Variants in FBXW7 observed in about 807,000 individuals in gnomAD.
The protein encoded by FBXW7 is F-box/WD repeat-containing protein 7.
Under a neutral mutation model 86.3 loss-of-function variants are expected in FBXW7, and 11 were observed. The observed-to-expected ratio is 0.13, with a 90% CI of 0.08 to 0.21. The LOEUF (loss-of-function observed/expected upper bound fraction) is 0.21, where lower values mean the gene tolerates loss of function less well. FBXW7 is among the 10% of genes least tolerant of loss of function. The pLI is 1.00. For missense variants in FBXW7, 488 were observed against 847.4 expected (o/e 0.58, Z 5.27); for synonymous variants, 313 against 297.9 (o/e 1.05, Z -0.52).
At chr4:152,516,824 C>T (rs914056974) in intron 2 of FBXW7, among the ~76,000 whole-genome samples, 21 of 152,070 alleles carry the variant, frequency 1.4e-4, no homozygotes, top group African/African-American at 5.1e-4. Flanking sequence ...TGGTTGTTTC[C>T]GCTTTTTTTG....
intron 4 of FBXW7, among the ~76,000 whole-genome samples, chr4:152,395,154 A>G (rs1386467847): frequency 2.0e-5 from 3 of 152,038 alleles, no homozygotes; most frequent in Admixed American, 2.0e-4. Flanking sequence ...GTGTTTTGCA[A>G]ACTTCAGTTT....
At chr4:152,327,617 C>T (rs1441349356) in intron 11 of FBXW7, among the ~76,000 whole-genome samples, 2 of 151,964 alleles carry the variant, frequency 1.3e-5, no homozygotes, top group African/African-American at 4.8e-5. Flanking sequence ...TTCCTTAATT[C>T]GTTAGTCAAC....
intron 2 of FBXW7, among the ~76,000 whole-genome samples, chr4:152,460,120 G>T (rs765461429): frequency 5.9e-5 from 9 of 152,046 alleles, no homozygotes; most frequent in Non-Finnish European, 1.3e-4. Context: ...AGCTAAAATG[G>T]CAAATTTTAT....
intron 2 of FBXW7, among the ~76,000 whole-genome samples, chr4:152,435,913 T>C (rs974674686): frequency 2.6e-5 from 4 of 152,190 alleles, no homozygotes; most frequent in Non-Finnish European, 5.9e-5. Context: ...ATCAGTGATC[T>C]TTCATGTTAC....
chr4:152,355,187 A>G (rs1732250640), intron 4 of FBXW7, among the ~76,000 whole-genome samples: 1 of 152,154 alleles, frequency 6.6e-6, no homozygotes, highest in Admixed American at 6.6e-5. Flanking sequence ...ATATGAACAA[A>G]GCAAATAAAA....
chr4:152,519,335 G>GA (rs1046057465), intron 2 of FBXW7, among the ~76,000 whole-genome samples: 11 of 151,762 alleles, frequency 7.2e-5, no homozygotes, highest in Non-Finnish European at 2.9e-5. Context: ...AAGAAAGAAA[G>GA]AATAATCAGA....
chr4:152,369,734 G>C (rs1733839542), intron 4 of FBXW7, among the ~76,000 whole-genome samples: 1 of 151,892 alleles, frequency 6.6e-6, no homozygotes, highest in South Asian at 2.1e-4. Flanking sequence ...CACAGAGTAA[G>C]GGCAAAACTG....
chr4:152,517,077 C>A (rs138103967), intron 2 of FBXW7, among the ~76,000 whole-genome samples: 1 of 152,330 alleles, frequency 6.6e-6, no homozygotes, highest in Non-Finnish European at 1.5e-5. Flanking sequence ...CTCGCCTCAG[C>A]CTCCCAAAGT....
At chr4:152,456,807 T>C (rs527966334) in intron 2 of FBXW7, among the ~76,000 whole-genome samples, 34 of 152,302 alleles carry the variant, frequency 2.2e-4, no homozygotes, top group African/African-American at 6.7e-4. Context: ...CCGGAAAAGT[T>C]TGGCAGTGTC....
At chr4:152,352,337 A>AACAGAATACCAG in intron 4 of FBXW7, 1 of 1,000,486 alleles carries the variant, frequency 1.0e-6, no homozygotes, top group Non-Finnish European at 1.5e-6. Context: ...CATGATATAA[A>AACAGAATACCAG]ACAGAATACC....
intron 2 of FBXW7, among the ~76,000 whole-genome samples, chr4:152,441,990 A>T (rs886279365): frequency 6.6e-6 from 1 of 152,218 alleles, no homozygotes; most frequent in Admixed American, 6.5e-5. Context: ...CATCCCTCCC[A>T]GAAAAAAGTA....
chr4:152,408,412 T>C (rs1357734860), intron 4 of FBXW7, among the ~76,000 whole-genome samples: 1 of 152,216 alleles, frequency 6.6e-6, no homozygotes, highest in Non-Finnish European at 1.5e-5. Flanking sequence ...CATTTGTATC[T>C]GGAGAAGCAA....
Position 152,411,423 on chromosome 4 carries a change from C to T in FBXW7, c.381G>A (p.Gln127=), listed in dbSNP as rs1218769489. Residue 127 remains glutamine (Q), a synonymous_variant, in exon 4 of 14, where the codon CAG becomes CAA. Transcript: ENST00000281708. ...EMDQESDDFD[Q]SDDSSREDEH... ...CATCTTCTCTGCTACTATCATCAGA[C>T]TGATCAAAATCGTCACTCTCCTGGT... 1 of 1,613,720 alleles carries T rather than the reference C, an allele frequency of 6.2e-7. No homozygotes were observed. The highest frequency in any genetic ancestry group is 8.5e-7 in the Non-Finnish European group (1 of 1,179,880).
chr4:152,477,605 A>G (rs1334489226), intron 2 of FBXW7, among the ~76,000 whole-genome samples: 1 of 152,158 alleles, frequency 6.6e-6, no homozygotes, highest in Non-Finnish European at 1.5e-5. Flanking sequence ...AATTTTTCAT[A>G]TATCATCCCA....
intron 4 of FBXW7, among the ~76,000 whole-genome samples, chr4:152,408,233 C>T (rs1449908782): frequency 6.6e-6 from 1 of 152,094 alleles, no homozygotes; most frequent in Non-Finnish European, 1.5e-5. Context: ...CAGATCTGGC[C>T]TAATAATCAT....
intron 2 of FBXW7, among the ~76,000 whole-genome samples, chr4:152,467,976 C>CT (rs942405208): frequency 1.1e-3 from 161 of 141,470 alleles, no homozygotes; most frequent in East Asian, 1.6e-3. Context: ...AAAAGATAAT[C>CT]TTTTTTTTTT....
intron 4 of FBXW7, among the ~76,000 whole-genome samples, chr4:152,364,008 A>G (rs1733226342): frequency 6.6e-6 from 1 of 152,208 alleles, no homozygotes; most frequent in Admixed American, 6.5e-5. Context: ...TGATGTGAAT[A>G]TGAAATCCAC....
chr4:152,480,440 A>C (rs1744778152), intron 2 of FBXW7, among the ~76,000 whole-genome samples: 1 of 152,120 alleles, frequency 6.6e-6, no homozygotes, highest in Admixed American at 6.6e-5. Context: ...AACAACATTG[A>C]AATTTGTCCA....
rs1291893865 is a variant in FBXW7 at position 152,536,007 on chromosome 4, G to GGCGGCGGCAGCGGCA, written c.-1108_-1094dup. 8.6e-6 allele frequency: 2 copies of GGCGGCGGCAGCGGCA among 233,666 alleles called. No individual in the cohort carries two copies. Among genetic ancestry groups the GGCGGCGGCAGCGGCA allele is most frequent in the African/African-American group, 2.3e-5 (1 of 43,482 alleles). The allele number at this position is 233,666 out of a possible 1,614,324, so 14.5% of individuals were successfully genotyped here. A position where few individuals can be genotyped will look rare whatever the true frequency, so the allele number is the denominator to read the frequency against. On this transcript the variant is annotated 5_prime_UTR_variant, in exon 1 of 14. Coordinates refer to ENST00000281708, the MANE Select transcript of FBXW7 (RefSeq NM_001349798.2). ...CTTCGCTCTCAGTCTCAGCGGCGGC[G>GGCGGCGGCAGCGGCA]GCGGCGGCAGCGGCAGCGGCAGCGC...
Sources: allele counts gnomAD v4.1 joint callset (sites outside exome capture counted in the v4.1 genomes callset), GRCh38; gene constraint gnomAD v4.1.1; transcripts MANE v1.5; gene names NCBI Gene and HGNC (gene_info 2026-07-23, HGNC 2026-07-21).